ABCC1: variants seen among roughly 807,000 people sequenced by gnomAD.
The protein encoded by ABCC1 is ATP binding cassette subfamily C member 1 (ABCC1 blood group), also known as multidrug resistance-associated protein 1.
Under a neutral mutation model 172.9 loss-of-function variants are expected in ABCC1, and 83 were observed. The ratio of observed to expected loss-of-function variants is 0.48; its 90% confidence interval spans 0.40 to 0.58. The LOEUF is 0.58. Among genes scored for constraint, ABCC1 ranks in the 20% least tolerant of loss-of-function variants. The pLI, the probability that ABCC1 is intolerant of heterozygous loss-of-function variation, is 0.00. For missense variants in ABCC1, 1,817 were observed against 2,002.7 expected, an observed-to-expected ratio of 0.91 and a Z score of 1.77; for synonymous variants, 937 against 825.2, an observed-to-expected ratio of 1.14 and a Z score of -2.32.
intron 27 of ABCC1, among the ~76,000 whole-genome samples, chr16:16,132,510 G>GGTTT (rs1277380301): frequency 1.7e-3 from 62 of 37,294 alleles, no homozygotes; most frequent in African/African-American, 2.9e-3. Context: ...TTGGTTGGTT[G>GGTTT]TTTTTTTTTT....
At chr16:15,997,677 A>G (rs1354918821) in intron 1 of ABCC1, among the ~76,000 whole-genome samples, 1 of 151,862 alleles carries the variant, frequency 6.6e-6, no homozygotes, top group Non-Finnish European at 1.5e-5. Context: ...GGTATTGCCC[A>G]TTATTCACCG....
At chr16:15,988,257 C>T (rs1177227701) in intron 1 of ABCC1, among the ~76,000 whole-genome samples, 1 of 152,104 alleles carries the variant, frequency 6.6e-6, no homozygotes, top group African/African-American at 2.4e-5. Context: ...CAAGGCTTGC[C>T]CTCTTCTCTG....
Position 16,004,620 on chromosome 16 carries a change from C to T in ABCC1, c.49-3196C>T, listed in dbSNP as rs146632277. 2.6e-3 allele frequency among the ~76,000 whole-genome samples: 397 copies of T among 150,230 alleles called. 3 individuals carry two copies. Among genetic ancestry groups the T allele is most frequent in the African/African-American group, 8.6e-3 (354 of 40,934 alleles). On this transcript the variant is annotated intron_variant, in intron 1 of 30. Coordinates refer to ENST00000399410, the MANE Select transcript of ABCC1 (RefSeq NM_004996.4). ...GGGTTTGTGTCTTGATGTTTCCTGG[C>T]TAAATCTCTTTGTATGTGTTGGCCT... is the stretch of plus-strand genomic sequence containing the variant.
chr16:16,095,201 G>A (rs2051423083), intron 19 of ABCC1: 1 of 152,232 alleles, frequency 6.6e-6, no homozygotes, highest in African/African-American at 2.4e-5. Flanking sequence ...AAAGTGAATA[G>A]TGAACCATTT....
intron 15 of ABCC1, among the ~76,000 whole-genome samples, 195 bp downstream of exon 15, chr16:16,076,596 A>G (rs1388395944): frequency 6.6e-6 from 1 of 152,196 alleles, no homozygotes; most frequent in Non-Finnish European, 1.5e-5. Flanking sequence ...GCAGACACAC[A>G]TGCCTAGCAC....
At chr16:15,970,331 C>T (rs769404403) in intron 1 of ABCC1, among the ~76,000 whole-genome samples, 1 of 152,174 alleles carries the variant, frequency 6.6e-6, no homozygotes, top group Non-Finnish European at 1.5e-5. Context: ...CTGGAGGTTG[C>T]CTACGTCTCT....
At chr16:15,991,739 G>A (rs530058167) in intron 1 of ABCC1, among the ~76,000 whole-genome samples, 7 of 152,192 alleles carry the variant, frequency 4.6e-5, no homozygotes, top group East Asian at 1.9e-4. Context: ...CTAGAGTTAC[G>A]GGGAGGAGTA....
chr16:16,136,003 A>G (rs1407872333), intron 28 of ABCC1, among the ~76,000 whole-genome samples: 1 of 110,876 alleles, frequency 9.0e-6, no homozygotes, highest in Non-Finnish European at 1.8e-5. Context: ...CCAAACTCAG[A>G]CTTTCCAGAC....
intron 1 of ABCC1, among the ~76,000 whole-genome samples, chr16:15,960,586 T>C (rs144740127): frequency 1.2e-3 from 190 of 152,244 alleles, no homozygotes; most frequent in African/African-American, 4.4e-3. Context: ...TGGCAAGTGC[T>C]GCAAAGACTT....
chr16:16,112,729 A>T (rs553612165), intron 22 of ABCC1, among the ~76,000 whole-genome samples: 1 of 152,336 alleles, frequency 6.6e-6, no homozygotes, highest in South Asian at 2.1e-4. Context: ...GTTTGCAAAT[A>T]CACATGTATG....
chr16:15,950,538 C>G (rs954645358), intron 1 of ABCC1, among the ~76,000 whole-genome samples: 1 of 152,116 alleles, frequency 6.6e-6, no homozygotes, highest in Non-Finnish European at 1.5e-5. Flanking sequence ...TCTGGGGATG[C>G]CCCTTAGATT....
intron 1 of ABCC1, among the ~76,000 whole-genome samples, chr16:15,990,885 G>A (rs576490697): frequency 1.4e-5 from 2 of 146,118 alleles, no homozygotes; most frequent in Admixed American, 7.0e-5. Flanking sequence ...GGTTGGTCTC[G>A]ACCTCCTGAC....
chr16:16,020,266 T>A (rs1454405507), intron 5 of ABCC1, among the ~76,000 whole-genome samples: 2 of 152,174 alleles, frequency 1.3e-5, no homozygotes. Context: ...GTGTCAAATG[T>A]GGGTGTGCAG....
At chr16:16,046,122 G>A (rs929956878) in intron 9 of ABCC1, 109 bp downstream of exon 9, 1 of 1,264,782 alleles carries the variant, frequency 7.9e-7, no homozygotes, top group African/African-American at 1.5e-5. Context: ...TTCTGGAGCA[G>A]TAGGATGAGG....
chr16:16,102,520 C>T lies in ABCC1; in HGVS notation c.2645-107C>T. On this transcript the variant is annotated intron_variant, in intron 19 of 30. Coordinates refer to ENST00000399410, the MANE Select transcript of ABCC1 (RefSeq NM_004996.4). ...TCCTACTTTCTGATCATCCTGGCGG[C>T]CAGGTGCTCTGTGGTCTCCTCACTG... is the stretch of plus-strand genomic sequence containing the variant. 8.4e-6 allele frequency: 8 copies of T among 955,020 alleles called. 1 individual carries two copies. The highest frequency in any genetic ancestry group is 4.5e-5 in the South Asian group (3 of 66,954). The allele number at this position is 955,020 out of a possible 1,614,324, so 59.2% of individuals were successfully genotyped here. A position where few individuals can be genotyped will look rare whatever the true frequency, so the allele number is the denominator to read the frequency against.
intron 20 of ABCC1, chr16:16,106,380 CT>C (rs201300893): frequency 0.17 from 22,875 of 132,214 alleles, 2,263 homozygotes; most frequent in African/African-American, 0.34. Flanking sequence ...CTTTTATTGG[CT>C]TTTTTTTTTT....
chr16:16,066,608 A>G (rs1292654309), intron 12 of ABCC1, among the ~76,000 whole-genome samples: 1 of 152,028 alleles, frequency 6.6e-6, no homozygotes, highest in African/African-American at 2.4e-5. Context: ...CGAGTAAAGA[A>G]TATCTCTGGG....
intron 7 of ABCC1, among the ~76,000 whole-genome samples, chr16:16,037,037 G>A (rs1204381285): frequency 6.6e-6 from 1 of 152,054 alleles, no homozygotes; most frequent in Non-Finnish European, 1.5e-5. Context: ...AGGAGGCGGA[G>A]GTTGCAGTGA....
At chr16:15,979,478 C>A (rs2046571485) in intron 1 of ABCC1, among the ~76,000 whole-genome samples, 1 of 151,182 alleles carries the variant, frequency 6.6e-6, no homozygotes, top group South Asian at 2.1e-4. Context: ...GCCAAAATGA[C>A]CCTGGGGCTT....
Sources: allele counts gnomAD v4.1 joint callset (sites outside exome capture counted in the v4.1 genomes callset), GRCh38; gene constraint gnomAD v4.1.1; transcripts MANE v1.5; gene names NCBI Gene and HGNC (gene_info 2026-07-23, HGNC 2026-07-21).